The following PARP8 variants were observed in gnomAD, a reference collection of about 807,000 sequenced individuals.
PARP8 encodes the protein protein mono-ADP-ribosyltransferase PARP8.
PARP8 carries 51 observed loss-of-function variants against 124.1 expected under a neutral mutation model. The observed-to-expected ratio is 0.41, with a 90% confidence interval of 0.33 to 0.52. The LOEUF (loss-of-function observed/expected upper bound fraction) is 0.52. Ranked by LOEUF, PARP8 falls within the 20% of genes least tolerant of loss-of-function variation. PARP8 has a pLI of 0.21. For missense variants in PARP8, 860 were observed against 1,018.9 expected (o/e 0.84, Z 2.12); for synonymous variants, 391 against 361.5 (o/e 1.08, Z -0.93).
rs769707443 is a variant in PARP8 at position 50,761,908 on chromosome 5, C to A, written c.423+10C>A. 1.3e-6 allele frequency: 2 copies of A among 1,549,400 alleles called. No homozygotes were observed. The highest frequency in any genetic ancestry group is 3.5e-5 in the Admixed American group (2 of 57,190). On this transcript the variant is annotated intron_variant, in intron 6 of 25. Transcript: ENST00000281631. ...TTATTACGGAGGGCAGGTAAGGAAA[C>A]CTGGTCTTCCAAATACCTAGTCTTA...
intron 10 of PARP8, among the ~76,000 whole-genome samples, chr5:50,789,018 A>G (rs1741634500): frequency 6.6e-6 from 1 of 152,128 alleles, no homozygotes; most frequent in Admixed American, 6.6e-5. Flanking sequence ...CAACGTGTAC[A>G]TGACTTTCTC....
intron 2 of PARP8, 155 bp downstream of exon 2, chr5:50,668,280 T>A: frequency 1.5e-6 from 1 of 689,528 alleles, no homozygotes; most frequent in Non-Finnish European, 2.6e-6. Context: ...CCCTCGGTTT[T>A]AAATAGCAGG....
intron 14 of PARP8, among the ~76,000 whole-genome samples, chr5:50,808,024 G>A (rs1422554305): frequency 6.6e-6 from 1 of 151,782 alleles, no homozygotes; most frequent in Non-Finnish European, 1.5e-5. Context: ...TTGTGTATCC[G>A]GCATTAAGCA....
chr5:50,720,190 T>G (rs1016480811), intron 2 of PARP8, among the ~76,000 whole-genome samples: 1 of 152,084 alleles, frequency 6.6e-6, no homozygotes, highest in African/African-American at 2.4e-5. Context: ...AGACATTTGA[T>G]TTATCACTGT....
At chr5:50,781,789 C>T (rs1740702314) in intron 9 of PARP8, among the ~76,000 whole-genome samples, 1 of 152,186 alleles carries the variant, frequency 6.6e-6, no homozygotes, top group Non-Finnish European at 1.5e-5. Context: ...TACTCTGTTT[C>T]AGGTCTGTAC....
chr5:50,700,524 A>C (rs1030514533), intron 2 of PARP8, among the ~76,000 whole-genome samples: 2 of 152,226 alleles, frequency 1.3e-5, no homozygotes, highest in African/African-American at 4.8e-5. Context: ...TGAAAACACA[A>C]GTGTGCTCTG....
intron 9 of PARP8, among the ~76,000 whole-genome samples, chr5:50,787,491 C>T (rs1467583745): frequency 6.6e-6 from 1 of 152,160 alleles, no homozygotes; most frequent in East Asian, 1.9e-4. Flanking sequence ...GCCCACATAG[C>T]CTGCAGCCCA....
At position 50,752,598 on chromosome 5, in the gene PARP8, C is replaced by T. The variant is rs78350572; in HGVS notation, c.184+2410C>T. Among the ~76,000 whole-genome samples the T allele has an allele frequency of 7.5e-3, 1,146 of 152,032 alleles. 15 individuals carry two copies. The highest frequency in any genetic ancestry group is 0.026 in the African/African-American group (1,071 of 41,518). On this transcript the variant is annotated intron_variant, in intron 3 of 25. Coordinates refer to ENST00000281631, the MANE Select transcript of PARP8 (RefSeq NM_024615.4). ...TTGTTCATATTTGTTCTTGTTCTTC[C>T]GTCCGTTGGTTTGTCTTCCAAATAG...
At chr5:50,747,162 T>C (rs1561320509) in intron 2 of PARP8, among the ~76,000 whole-genome samples, 1 of 137,596 alleles carries the variant, frequency 7.3e-6, no homozygotes, top group African/African-American at 2.8e-5. Flanking sequence ...TTGTTTGTTT[T>C]GTTTTTTTTT....
chr5:50,775,200 G>A (rs968775143), intron 7 of PARP8, among the ~76,000 whole-genome samples: 5 of 152,218 alleles, frequency 3.3e-5, no homozygotes, highest in African/African-American at 1.2e-4. Context: ...GGGAGGCCAA[G>A]CAGGTGGCTG....
intron 10 of PARP8, among the ~76,000 whole-genome samples, chr5:50,789,924 T>C (rs1467277310): frequency 3.3e-5 from 5 of 152,206 alleles, no homozygotes; most frequent in African/African-American, 9.6e-5. Context: ...ATTGGAACTA[T>C]ATTTGATATA....
intron 17 of PARP8, 45 bp downstream of exon 17, chr5:50,822,445 TGA>T: frequency 6.9e-7 from 1 of 1,444,768 alleles, no homozygotes; most frequent in East Asian, 2.3e-5. Flanking sequence ...TTAAAATGTC[TGA>T]GAGTTCTAGC....
intron 2 of PARP8, among the ~76,000 whole-genome samples, chr5:50,745,488 C>T (rs1758447259): frequency 6.6e-6 from 1 of 152,164 alleles, no homozygotes; most frequent in South Asian, 2.1e-4. Context: ...TTCCATTTTA[C>T]TAAATAGAGA....
intron 2 of PARP8, among the ~76,000 whole-genome samples, chr5:50,735,961 C>T (rs1580144662): frequency 1.3e-5 from 2 of 149,888 alleles, no homozygotes; most frequent in African/African-American, 2.5e-5. Flanking sequence ...GGGATTCCCC[C>T]CCCCCCTTTT....
chr5:50,842,389 G>A lies in PARP8; in HGVS notation c.*321G>A. 9.8e-6 allele frequency: 2 copies of A among 203,584 alleles called. No individual in the cohort carries two copies. The highest frequency in any genetic ancestry group is 9.8e-6 in the Non-Finnish European group (1 of 101,548). The allele number at this position is 203,584 out of a possible 1,614,324, so 12.6% of individuals were successfully genotyped here. On this transcript the variant is annotated 3_prime_UTR_variant, in exon 26 of 26. Coordinates refer to ENST00000281631, the MANE Select transcript of PARP8 (RefSeq NM_024615.4). ...TACTAAACTCTTTAACTGGATATTTGGTATTATATACCGACATTTTAGGTT... is the reference window on the plus strand; with the variant it reads ...TACTAAACTCTTTAACTGGATATTTAGTATTATATACCGACATTTTAGGTT...
chr5:50,825,697 T>C (rs141631574), intron 18 of PARP8, among the ~76,000 whole-genome samples: 2 of 152,292 alleles, frequency 1.3e-5, no homozygotes, highest in African/African-American at 2.4e-5. Context: ...TGAATTAACT[T>C]TGAAAACTCC....
chr5:50,719,586 G>A (rs1431096543), intron 2 of PARP8, among the ~76,000 whole-genome samples: 1 of 151,912 alleles, frequency 6.6e-6, no homozygotes, highest in African/African-American at 2.4e-5. Context: ...AGAGACTGTC[G>A]TTACCTTAAT....
chr5:50,744,739 T>A lies in PARP8; in HGVS notation c.147-5412T>A, dbSNP rs759082952. On this transcript the variant is annotated intron_variant, in intron 2 of 25. Transcript: ENST00000281631. ...GCTTTTTTTTTTCTCTGAATAGGAATTCAGAGCTTGCTCCAGGGATGTGAG... is the reference window on the plus strand; with the variant it reads ...GCTTTTTTTTTTCTCTGAATAGGAAATCAGAGCTTGCTCCAGGGATGTGAG... The A allele has an allele frequency of 1.6e-5, 11 of 701,544 alleles. No homozygotes were observed. In the South Asian group the frequency reaches 1.6e-4, roughly 10 times the overall value. The allele number at this position is 701,544 out of a possible 1,614,324, so 43.5% of individuals were successfully genotyped here. A position where few individuals can be genotyped will look rare whatever the true frequency, so the allele number is the denominator to read the frequency against.
intron 2 of PARP8, chr5:50,738,948 AT>A (rs1461791444): frequency 1.4e-6 from 1 of 702,010 alleles, no homozygotes; most frequent in Non-Finnish European, 2.6e-6. Context: ...TGTCTCTGAC[AT>A]TTTCTAAGCT....
Sources: allele counts gnomAD v4.1 joint callset (sites outside exome capture counted in the v4.1 genomes callset), GRCh38; gene constraint gnomAD v4.1.1; transcripts MANE v1.5; gene names NCBI Gene and HGNC (gene_info 2026-07-23, HGNC 2026-07-21).